Variants in KLHL28 observed in about 807,000 individuals in gnomAD.
KLHL28 encodes the protein kelch-like protein 28.
In KLHL28, 22 loss-of-function variants were observed where a neutral mutation model predicts 48.3. The ratio of observed to expected loss-of-function variants is 0.46; its 90% CI spans 0.33 to 0.65. The LOEUF (loss-of-function observed/expected upper bound fraction) is 0.65. KLHL28 is among the 30% of genes least tolerant of loss of function. The pLI is 0.03. For synonymous variants in KLHL28, 243 were observed against 242.4 expected (o/e 1.00, Z -0.02); for missense variants, 527 against 704.3 (o/e 0.75, Z 2.85).
chr14:44,951,736 A>G (rs1386201283), intron 1 of KLHL28, among the ~76,000 whole-genome samples: 2 of 152,256 alleles, frequency 1.3e-5, no homozygotes, highest in African/African-American at 4.8e-5. Flanking sequence ...TTTAAAAATT[A>G]TAGTTTGAAT....
chr14:44,959,550 G>A, intron 1 of KLHL28: 1 of 152,032 alleles, frequency 6.6e-6, no homozygotes, highest in Non-Finnish European at 1.5e-5. Context: ...AAAAATCATA[G>A]TGATTCGCCC....
At chr14:44,947,491 C>T (rs1884388345) in intron 1 of KLHL28, among the ~76,000 whole-genome samples, 4 of 152,172 alleles carry the variant, frequency 2.6e-5, no homozygotes, top group Admixed American at 2.6e-4. Flanking sequence ...ATTGTAGCAG[C>T]TGCTTAGAGT....
At chr14:44,950,144 G>C (rs1042829655) in intron 1 of KLHL28, among the ~76,000 whole-genome samples, 10 of 152,110 alleles carry the variant, frequency 6.6e-5, no homozygotes, top group Non-Finnish European at 2.9e-5. Context: ...GGGTTGTTTT[G>C]AGGATTAAAC....
chr14:44,928,228 C>G lies in KLHL28; in HGVS notation c.*800G>C, dbSNP rs1883439531. 6.6e-6 allele frequency: 1 copy of G among 152,208 alleles called. No individual in the cohort carries two copies. The highest frequency in any genetic ancestry group is 2.4e-5 in the African/African-American group (1 of 41,446). The allele number at this position is 152,208 out of a possible 1,614,324, so 9.4% of individuals were successfully genotyped here. On this transcript the variant is annotated 3_prime_UTR_variant, in exon 5 of 5. Transcript: ENST00000396128. ...CACTGCTCAAATATTTACATCAGCA[C>G]TGGGAGGCCTGCTGTACTACTGAAG...
intron 2 of KLHL28, among the ~76,000 whole-genome samples, chr14:44,939,506 C>T (rs919344870): frequency 3.9e-5 from 6 of 152,160 alleles, no homozygotes; most frequent in African/African-American, 1.4e-4. Context: ...CATTTCTTCC[C>T]TCTCGCACCT....
chr14:44,945,970 A>T (rs1173245169), intron 1 of KLHL28, 42 bp from the exon 2 acceptor site: 1 of 1,485,228 alleles, frequency 6.7e-7, no homozygotes, highest in Non-Finnish European at 9.3e-7. Flanking sequence ...TTTCAAAGTA[A>T]ACTTGTCAAA....
At chr14:44,929,319 A>T (rs1468330004) in intron 4 of KLHL28, 128 bp from the exon 5 acceptor site, 4 of 868,120 alleles carry the variant, frequency 4.6e-6, no homozygotes, top group Non-Finnish European at 6.8e-6. Flanking sequence ...TTAATTATAC[A>T]GGCAATATAC....
Position 44,934,571 on chromosome 14 carries a change from C to A in KLHL28, c.900-13G>T. The A allele has an allele frequency of 5.2e-6, 8 of 1,523,876 alleles. No individual in the cohort carries two copies. Among genetic ancestry groups the A allele is most frequent in the Non-Finnish European group, 7.0e-6 (8 of 1,139,174 alleles). The allele number at this position is 1,523,876 out of a possible 1,614,324, so 94.4% of individuals were successfully genotyped here. ...GTACATCTCCACACTAAAGAATAAG[C>A]AGAAAAAATATAAAATTTAAAAACC... is the stretch of plus-strand genomic sequence containing the variant. On this transcript the variant is annotated splice_polypyrimidine_tract_variant and intron_variant, in intron 2 of 4. Transcript: ENST00000396128.
At chr14:44,953,274 A>G (rs1293460520) in intron 1 of KLHL28, among the ~76,000 whole-genome samples, 1 of 152,214 alleles carries the variant, frequency 6.6e-6, no homozygotes, top group Admixed American at 6.5e-5. Flanking sequence ...GATTTCTGCT[A>G]CATACCTACA....
chr14:44,934,008 G>A (rs1883697370), intron 3 of KLHL28, 107 bp downstream of exon 3: 2 of 792,742 alleles, frequency 2.5e-6, no homozygotes, highest in African/African-American at 3.5e-5. Flanking sequence ...TTTCCCAAAT[G>A]CCGGAAGTTC....
chr14:44,933,244 A>C (rs896554694), intron 3 of KLHL28, among the ~76,000 whole-genome samples: 3 of 151,972 alleles, frequency 2.0e-5, no homozygotes, highest in African/African-American at 7.3e-5. Context: ...TCATTAAAAT[A>C]CTCACAATCA....
At chr14:44,948,947 T>G (rs1489761830) in intron 1 of KLHL28, among the ~76,000 whole-genome samples, 1 of 152,118 alleles carries the variant, frequency 6.6e-6, no homozygotes, top group African/African-American at 2.4e-5. Context: ...ACTCTCATTT[T>G]CTGATTTAAC....
At chr14:44,957,242 G>A (rs971626201) in intron 1 of KLHL28, among the ~76,000 whole-genome samples, 8 of 152,182 alleles carry the variant, frequency 5.3e-5, no homozygotes, top group African/African-American at 4.8e-5. Flanking sequence ...TTGAAGATGC[G>A]TGATAGGTAA....
intron 1 of KLHL28, among the ~76,000 whole-genome samples, chr14:44,958,249 C>T (rs1028541293): frequency 2.0e-5 from 3 of 151,758 alleles, no homozygotes; most frequent in East Asian, 1.9e-4. Context: ...GGTCAAGTTG[C>T]GAGTTTTGTA....
chr14:44,927,869 G>A lies in KLHL28; in HGVS notation c.*1159C>T, dbSNP rs1003253714. 2.6e-5 allele frequency: 4 copies of A among 152,534 alleles called. No individual in the cohort carries two copies. Among genetic ancestry groups the A allele is most frequent in the Non-Finnish European group, 4.4e-5 (3 of 67,984 alleles). The allele number at this position is 152,534 out of a possible 1,614,324, so 9.4% of individuals were successfully genotyped here. A position where few individuals can be genotyped will look rare whatever the true frequency, so the allele number is the denominator to read the frequency against. On this transcript the variant is annotated 3_prime_UTR_variant, in exon 5 of 5. Coordinates refer to ENST00000396128, the MANE Select transcript of KLHL28 (RefSeq NM_017658.5). ...TAATATCTAGCACAAGAAGAAAGAAGATCAAAAGTGTAACTTTCTTTAAAT... is the reference window on the plus strand; with the variant it reads ...TAATATCTAGCACAAGAAGAAAGAAAATCAAAAGTGTAACTTTCTTTAAAT...
chr14:44,951,341 C>T (rs995897460), intron 1 of KLHL28, among the ~76,000 whole-genome samples: 1 of 152,202 alleles, frequency 6.6e-6, no homozygotes, highest in African/African-American at 2.4e-5. Flanking sequence ...TGTGTCAAGC[C>T]ACGGATAAGC....
chr14:44,947,174 CAGA>C (rs1253790135), intron 1 of KLHL28, among the ~76,000 whole-genome samples: 1 of 152,138 alleles, frequency 6.6e-6, no homozygotes, highest in Non-Finnish European at 1.5e-5. Flanking sequence ...TATAAGAAGG[CAGA>C]AGGAGACGTG....
At chr14:44,949,529 A>G (rs1038078706) in intron 1 of KLHL28, among the ~76,000 whole-genome samples, 4 of 152,078 alleles carry the variant, frequency 2.6e-5, no homozygotes, top group African/African-American at 9.7e-5. Context: ...AGAGTATACC[A>G]CTTAATGGAA....
chr14:44,945,591 T>G lies in KLHL28; in HGVS notation c.338A>C (p.Asn113Thr). 6.2e-7 allele frequency: 1 copy of G among 1,614,138 alleles called. No individual in the cohort carries two copies. Among genetic ancestry groups the G allele is most frequent in the Non-Finnish European group, 8.5e-7 (1 of 1,180,022 alleles). Residue 113 changes from asparagine to threonine, a missense_variant, in exon 2 of 5, where the codon AAC becomes ACC. Transcript: ENST00000396128. ...CAGGACAAGTTTTATCTGGAGTAGGTTTGCTGCTGGCAGGAGAGATTCAAC... is the reference window on the plus strand; with the variant it reads ...CAGGACAAGTTTTATCTGGAGTAGGGTTGCTGCTGGCAGGAGAGATTCAAC... ...DTVESLLPAA[N>T]LLQIKLVLKE...
Sources: gnomAD v4.1 joint callset for allele counts (sites outside exome capture counted in the v4.1 genomes callset) on GRCh38, gnomAD v4.1.1 for gene constraint, MANE v1.5 for transcripts, NCBI Gene and HGNC (gene_info 2026-07-23, HGNC 2026-07-21) for gene names.